RASA2: variants seen among roughly 807,000 people sequenced by gnomAD.
RASA2 encodes RAS p21 protein activator 2.
In RASA2, 155 loss-of-function variants were observed where a neutral mutation model predicts 118.2. The observed-to-expected ratio is 1.31, with a 90% CI of 1.15 to 1.50. The LOEUF (loss-of-function observed/expected upper bound fraction) is 1.50, where lower values mean the gene tolerates loss of function less well. Among genes scored for constraint, RASA2 ranks in the 40% most tolerant of loss-of-function variants. The probability of loss-of-function intolerance (pLI) is 0.00; values close to 1 mark genes in which losing one functional copy is unlikely to be tolerated. For synonymous variants in RASA2, 353 were observed against 349.1 expected (o/e 1.01, Z -0.12); for missense variants, 1,016 against 1,009.6 (o/e 1.01, Z -0.09).
intron 18 of RASA2, 101 bp downstream of exon 18, chr3:141,586,199 C>A: frequency 8.5e-7 from 1 of 1,169,926 alleles, no homozygotes; most frequent in Non-Finnish European, 1.2e-6. Context: ...GCTTTGTGTG[C>A]TGTGTTAGAA....
intron 3 of RASA2, among the ~76,000 whole-genome samples, chr3:141,520,248 T>C (rs1405547769): frequency 6.6e-6 from 1 of 152,074 alleles, no homozygotes; most frequent in African/African-American, 2.4e-5. Flanking sequence ...CCTGACCTCG[T>C]GATCTGCCTG....
chr3:141,562,915 C>G (rs2082758457), intron 9 of RASA2, among the ~76,000 whole-genome samples: 1 of 152,136 alleles, frequency 6.6e-6, no homozygotes, highest in African/African-American at 2.4e-5. Flanking sequence ...TCTTGATCCC[C>G]CCGCCTCGGC....
intron 7 of RASA2, among the ~76,000 whole-genome samples, chr3:141,558,010 C>T (rs1577732282): frequency 6.6e-6 from 1 of 152,144 alleles, no homozygotes; most frequent in Non-Finnish European, 1.5e-5. Context: ...GACCAACACT[C>T]AAGGTTTGTT....
At chr3:141,600,846 C>T (rs2083451797) in intron 19 of RASA2, among the ~76,000 whole-genome samples, 1 of 152,120 alleles carries the variant, frequency 6.6e-6, no homozygotes, top group South Asian at 2.1e-4. Context: ...AAGGTCTTAA[C>T]CATAGCCAAA....
Position 141,590,760 on chromosome 3 carries a change from G to A in RASA2, c.1933+4008G>A, listed in dbSNP as rs11919424. Among the ~76,000 whole-genome samples, 752 of 152,228 alleles carry A rather than the reference G, an allele frequency of 4.9e-3. 3 individuals carry two copies. The highest frequency in any genetic ancestry group is 0.017 in the African/African-American group (704 of 41,530). On this transcript the variant is annotated intron_variant, in intron 19 of 23. Coordinates refer to ENST00000286364, the MANE Select transcript of RASA2 (RefSeq NM_006506.5). ...TTTCACTCTCTCTTCCTAATATACAGTAGTATTGTGAATCAAGTATTTCTG... is the reference window on the plus strand; with the variant it reads ...TTTCACTCTCTCTTCCTAATATACAATAGTATTGTGAATCAAGTATTTCTG...
intron 19 of RASA2, among the ~76,000 whole-genome samples, chr3:141,591,716 C>T (rs2083287388): frequency 6.6e-6 from 1 of 152,158 alleles, no homozygotes; most frequent in Non-Finnish European, 1.5e-5. Context: ...ACACAACTTT[C>T]ATGTGACATT....
chr3:141,570,366 C>T (rs1428476259), intron 9 of RASA2, among the ~76,000 whole-genome samples: 4 of 151,916 alleles, frequency 2.6e-5, no homozygotes, highest in Non-Finnish European at 5.9e-5. Flanking sequence ...ATTACAGGCA[C>T]CTGCCACCAT....
intron 2 of RASA2, among the ~76,000 whole-genome samples, chr3:141,512,876 A>C (rs546206026): frequency 1.6e-4 from 24 of 152,282 alleles, no homozygotes; most frequent in African/African-American, 5.1e-4. Flanking sequence ...CAGCTTGGGC[A>C]ACATGGTGAA....
chr3:141,522,120 A>AT (rs201868780), intron 3 of RASA2, among the ~76,000 whole-genome samples: 31 of 148,982 alleles, frequency 2.1e-4, no homozygotes, highest in African/African-American at 3.5e-4. Flanking sequence ...TAATGTATGG[A>AT]TTTTTTTTTT....
At chr3:141,543,437 GAA>G (rs1041928998) in intron 5 of RASA2, among the ~76,000 whole-genome samples, 16 of 152,166 alleles carry the variant, frequency 1.1e-4, no homozygotes, top group African/African-American at 3.9e-4. Context: ...TAACACAGTT[GAA>G]AAGAGTTAGA....
chr3:141,584,330 CAAAAA>C (rs56396460), intron 17 of RASA2, among the ~76,000 whole-genome samples: 3 of 60,684 alleles, frequency 4.9e-5, no homozygotes, highest in African/African-American at 1.7e-4. Flanking sequence ...AACTCCATCC[CAAAAA>C]AAAAAAAAAA....
intron 1 of RASA2, 140 bp downstream of exon 1, chr3:141,487,356 G>A (rs951600601): frequency 1.9e-4 from 199 of 1,038,910 alleles, no homozygotes; most frequent in Non-Finnish European, 2.3e-4. Flanking sequence ...GCGCGGTTGA[G>A]GCTGGAAGGG....
chr3:141,527,854 TTC>T (rs1477166598), intron 3 of RASA2, among the ~76,000 whole-genome samples: 3 of 151,988 alleles, frequency 2.0e-5, no homozygotes, highest in African/African-American at 4.8e-5. Flanking sequence ...CTATAAGAAT[TTC>T]TGTTTTCCCA....
chr3:141,537,182 T>TTCTGCCCTGTTCTTTTTTTC (rs1255889307), intron 4 of RASA2, among the ~76,000 whole-genome samples: 1 of 152,190 alleles, frequency 6.6e-6, no homozygotes, highest in Non-Finnish European at 1.5e-5. Context: ...TCCTTTTTTT[T>TTCTGCCCTGTTCTTTTTTTC]TCTGCCCTGT....
intron 3 of RASA2, among the ~76,000 whole-genome samples, chr3:141,524,015 G>T (rs1329122019): frequency 6.6e-6 from 1 of 152,216 alleles, no homozygotes; most frequent in East Asian, 1.9e-4. Context: ...TTTGGTGTCT[G>T]TTTGCACAGG....
intron 2 of RASA2, among the ~76,000 whole-genome samples, chr3:141,515,166 AAAAAT>A (rs2082004777): frequency 6.6e-6 from 1 of 152,242 alleles, no homozygotes; most frequent in African/African-American, 2.4e-5. Flanking sequence ...AAACTGATTT[AAAAAT>A]ACCTTGTTTT....
Position 141,512,085 on chromosome 3 carries a change from A to T in RASA2, c.134-78A>T, listed in dbSNP as rs1349224791. On this transcript the variant is annotated intron_variant, in intron 1 of 23. Coordinates refer to ENST00000286364, the MANE Select transcript of RASA2 (RefSeq NM_006506.5). Reference sequence around the variant, plus strand: ...GTGCCACATTAATATGTTCTTTCAGATTGAAGTCATCCTATATAAGGCTTA... The same window carrying T: ...GTGCCACATTAATATGTTCTTTCAGTTTGAAGTCATCCTATATAAGGCTTA... 3.3e-6 allele frequency: 3 copies of T among 907,206 alleles called. No homozygotes were observed. In the South Asian group the frequency reaches 4.4e-5, roughly 13 times the overall value. The allele number at this position is 907,206 out of a possible 1,614,324, so 56.2% of individuals were successfully genotyped here.
chr3:141,503,620 C>T (rs1577647074), intron 1 of RASA2, among the ~76,000 whole-genome samples: 1 of 152,156 alleles, frequency 6.6e-6, no homozygotes, highest in Non-Finnish European at 1.5e-5. Context: ...CTCAATGAAG[C>T]CTTCCTTGAG....
chr3:141,537,625 C>T (rs367921998), intron 4 of RASA2, among the ~76,000 whole-genome samples: 16 of 152,118 alleles, frequency 1.1e-4, no homozygotes, highest in African/African-American at 3.4e-4. Context: ...AAAAATTAGC[C>T]GGGCGTGGTG....
Sources: allele counts gnomAD v4.1 joint callset (sites outside exome capture counted in the v4.1 genomes callset), GRCh38; gene constraint gnomAD v4.1.1; transcripts MANE v1.5; gene names NCBI Gene and HGNC (gene_info 2026-07-23, HGNC 2026-07-21).